MCTS1: variants seen among roughly 807,000 people sequenced by gnomAD.
MCTS1 encodes the protein malignant T-cell-amplified sequence 1.
For missense variants in MCTS1, 55 were observed against 128.6 expected (o/e 0.43, Z 2.77); for synonymous variants, 26 against 40.8 (o/e 0.64, Z 1.38).
intron 1 of MCTS1, among the ~76,000 whole-genome samples, 188 bp from the exon 2 acceptor site, chrX:120,605,219 A>C (rs765312295): frequency 8.0e-5 from 9 of 111,907 alleles, no homozygotes; most frequent in Non-Finnish European, 1.7e-4. Flanking sequence ...TATTGTATTA[A>C]GACATTGGTT....
At chrX:120,606,643 G>C (rs965182959) in intron 3 of MCTS1, among the ~76,000 whole-genome samples, 1 of 111,222 alleles carries the variant, frequency 9.0e-6, no homozygotes, top group Non-Finnish European at 1.9e-5. Flanking sequence ...AGTTAGCCGG[G>C]CGTGGTCACA....
In MCTS1 at chrX:120,616,609, TA is replaced by T. The variant is rs1320649757; in HGVS notation, c.*4352del. ...CCTTAGGGAATATAATTTATGCATG[TA>T]AAAAAATACAGGAGATGATTCACTG... On this transcript the variant is annotated 3_prime_UTR_variant, in exon 6 of 6. Transcript: ENST00000371317. 2.7e-5 allele frequency among the ~76,000 whole-genome samples: 3 copies of T among 111,743 alleles called. No homozygotes were observed. Among genetic ancestry groups the T allele is most frequent in the Non-Finnish European group, 5.6e-5 (3 of 53,117 alleles).
intron 5 of MCTS1, 135 bp downstream of exon 5, chrX:120,611,213 A>T (rs1312326405): frequency 1.9e-6 from 1 of 526,053 alleles, no homozygotes; most frequent in Non-Finnish European, 3.1e-6. Context: ...TTCATTTCTG[A>T]TATTTCCTAA....
In MCTS1 at chrX:120,620,608, T is replaced by C. The variant is rs1186227043; in HGVS notation, c.*8344T>C. ...GAGATTGTGCCACTGCACTCCAGCC[T>C]GGGCGACAGAGCAAGACTCCGTCTA... is the stretch of plus-strand genomic sequence containing the variant. On this transcript the variant is annotated 3_prime_UTR_variant, in exon 6 of 6. Coordinates refer to ENST00000371317, the MANE Select transcript of MCTS1 (RefSeq NM_014060.3). 2.8e-5 allele frequency: 3 copies of C among 108,154 alleles called. No homozygotes were observed. The highest frequency in any genetic ancestry group is 1.0e-4 in the African/African-American group (3 of 29,664). 8.9% of individuals were successfully genotyped at this position (108,154 alleles called of 1,213,427 possible).
chrX:120,608,522 T>A, intron 4 of MCTS1, 164 bp downstream of exon 4: 2 of 552,342 alleles, frequency 3.6e-6, no homozygotes, highest in Non-Finnish European at 5.2e-6. Flanking sequence ...ACAAAGTAAT[T>A]TTATTTGTTG....
rs1032844936 is a variant in MCTS1 at position 120,615,412 on chromosome X, C to T, written c.*3148C>T. The stretch of plus-strand genomic sequence containing the variant: ...TGAGTATCTACTAGGTTCTAAGTGA[C>T]GTGGCATGAAGATGAATAATACAGA... On this transcript the variant is annotated 3_prime_UTR_variant, in exon 6 of 6. Transcript: ENST00000371317. Among the ~76,000 whole-genome samples the T allele has an allele frequency of 1.7e-4, 19 of 111,312 alleles. No homozygotes were observed. The highest frequency in any genetic ancestry group is 6.8e-4 in the Admixed American group (7 of 10,367).
chrX:120,605,222 C>T (rs1181161477), intron 1 of MCTS1, among the ~76,000 whole-genome samples, 185 bp from the exon 2 acceptor site: 2 of 111,479 alleles, frequency 1.8e-5, no homozygotes, highest in Non-Finnish European at 1.9e-5. Flanking sequence ...TGTATTAAGA[C>T]ATTGGTTTTG....
chrX:120,607,643 G>T (rs779041642), intron 3 of MCTS1, among the ~76,000 whole-genome samples: 1 of 111,210 alleles, frequency 9.0e-6, no homozygotes, highest in African/African-American at 3.3e-5. Flanking sequence ...TATTATTAAC[G>T]CAAGTCCTTA....
chrX:120,616,600 T>A lies in MCTS1; in HGVS notation c.*4336T>A, dbSNP rs1926862061. The stretch of plus-strand genomic sequence containing the variant: ...AGAGTCTGGCCTTAGGGAATATAAT[T>A]TATGCATGTAAAAAAATACAGGAGA... On this transcript the variant is annotated 3_prime_UTR_variant, in exon 6 of 6. Transcript: ENST00000371317. Among the ~76,000 whole-genome samples, 1 of 111,702 alleles carries A rather than the reference T, an allele frequency of 9.0e-6. No homozygotes were observed.
Position 120,612,925 on chromosome X carries a change from ATTC to A in MCTS1, c.*664_*666del, listed in dbSNP as rs1293567794. 1.1e-5 allele frequency among the ~76,000 whole-genome samples: 1 copy of A among 94,611 alleles called. No homozygotes were observed. The highest frequency in any genetic ancestry group is 2.2e-5 in the Non-Finnish European group (1 of 46,088). 82.2% of individuals were successfully genotyped at this position (94,611 alleles called of 115,157 possible). A position where few individuals can be genotyped will look rare whatever the true frequency, so the allele number is the denominator to read the frequency against. ...CTATCATTTCATCCATAACTACTTT[ATTC>A]TTTTTTTTTTTTTTTTGAAACAGGG... On this transcript the variant is annotated 3_prime_UTR_variant, in exon 6 of 6. Transcript: ENST00000371317.
Position 120,618,858 on chromosome X carries a change from G to A in MCTS1, c.*6594G>A, listed in dbSNP as rs1926931970. Among the ~76,000 whole-genome samples, 1 of 112,435 alleles carries A rather than the reference G, an allele frequency of 8.9e-6. No homozygotes were observed. The highest frequency in any genetic ancestry group is 3.2e-5 in the African/African-American group (1 of 30,952). On this transcript the variant is annotated 3_prime_UTR_variant, in exon 6 of 6. Transcript: ENST00000371317. ...TGCTCCTGAATGCAAAGGTCTGAGA[G>A]AAGGCACATCCTCATTAGCTTCTGG...
In MCTS1 at chrX:120,612,797, C is replaced by G. The variant is rs1417848919; in HGVS notation, c.*533C>G. ...CTGGAGAATAGTATAATGGACCTCT[C>G]CATATCCATCACCCAGTTTCAGTTT... is the stretch of plus-strand genomic sequence containing the variant. On this transcript the variant is annotated 3_prime_UTR_variant, in exon 6 of 6. Coordinates refer to ENST00000371317, the MANE Select transcript of MCTS1 (RefSeq NM_014060.3). Among the ~76,000 whole-genome samples the G allele has an allele frequency of 9.2e-6, 1 of 109,181 alleles. No individual in the cohort carries two copies. Among genetic ancestry groups the G allele is most frequent in the African/African-American group, 3.3e-5 (1 of 29,861 alleles). 94.8% of individuals were successfully genotyped at this position (109,181 alleles called of 115,157 possible).
chrX:120,620,181 G>A lies in MCTS1; in HGVS notation c.*7917G>A, dbSNP rs1467994938. Among the ~76,000 whole-genome samples the A allele has an allele frequency of 5.4e-5, 6 of 110,241 alleles. No individual in the cohort carries two copies. The highest frequency in any genetic ancestry group is 1.7e-4 in the African/African-American group (5 of 30,196). ...AAATTAACCGGACGCAGTGGTGGGCGCCTGTAGTCCCAGCTACTCGGGAGG... is the reference window on the plus strand; with the variant it reads ...AAATTAACCGGACGCAGTGGTGGGCACCTGTAGTCCCAGCTACTCGGGAGG... On this transcript the variant is annotated 3_prime_UTR_variant, in exon 6 of 6. Transcript: ENST00000371317.
chrX:120,620,784 G>C lies in MCTS1; in HGVS notation c.*8520G>C, dbSNP rs946678121. 1.8e-5 allele frequency: 2 copies of C among 112,402 alleles called. No homozygotes were observed. The highest frequency in any genetic ancestry group is 6.5e-5 in the African/African-American group (2 of 30,987). The allele number at this position is 112,402 out of a possible 1,213,427, so 9.3% of individuals were successfully genotyped here. ...AGAAAAATCCAGTGATTAAAGTCAT[G>C]CAAGGAGATGGCCTGGGGCTTGCTA... On this transcript the variant is annotated 3_prime_UTR_variant, in exon 6 of 6. Transcript: ENST00000371317.
In MCTS1 at chrX:120,610,818, T is replaced by C. The variant is rs191210304; in HGVS notation, c.397-193T>C. 4.9e-4 allele frequency: 179 copies of C among 363,546 alleles called. 2 individuals carry two copies. The highest frequency in any genetic ancestry group is 4.1e-3 in the African/African-American group (165 of 39,852). The allele number at this position is 363,546 out of a possible 1,213,427, so 30.0% of individuals were successfully genotyped here. On this transcript the variant is annotated intron_variant, in intron 4 of 5. Coordinates refer to ENST00000371317, the MANE Select transcript of MCTS1 (RefSeq NM_014060.3). ...GGTTATTAGATTTATTCATTTAGCA[T>C]TTACTGAGTATTTACAGTGTACCCA...
At chrX:120,604,456 C>G in intron 1 of MCTS1, 2 of 540,804 alleles carry the variant, frequency 3.7e-6, no homozygotes, top group Non-Finnish European at 5.7e-6. Flanking sequence ...TTCAGTCCCT[C>G]CACTCCCATT....
chrX:120,604,378 T>C, intron 1 of MCTS1, 131 bp downstream of exon 1: 1 of 876,973 alleles, frequency 1.1e-6, no homozygotes, highest in Non-Finnish European at 1.6e-6. Flanking sequence ...AGGTTTTCTA[T>C]AGTACTATGC....
intron 1 of MCTS1, chrX:120,604,480 A>G: frequency 1.9e-6 from 1 of 516,572 alleles, no homozygotes; most frequent in Non-Finnish European, 3.0e-6. Context: ...TTTTCTCCTT[A>G]CCCCTCTTTC....
rs763776875 is a variant in MCTS1, at chrX:120,613,260, C to G, written c.*996C>G. Among the ~76,000 whole-genome samples, 2 of 111,110 alleles carry G rather than the reference C, an allele frequency of 1.8e-5. No homozygotes were observed. The highest frequency in any genetic ancestry group is 7.6e-4 in the South Asian group (2 of 2,642). On this transcript the variant is annotated 3_prime_UTR_variant, in exon 6 of 6. Coordinates refer to ENST00000371317, the MANE Select transcript of MCTS1 (RefSeq NM_014060.3). The stretch of plus-strand genomic sequence containing the variant: ...ATATTTTATAGTTGGCCAGGCTGGT[C>G]TTGAACTCCTGGCCTCAAGTGATCA...
Sources: allele counts gnomAD v4.1 joint callset (sites outside exome capture counted in the v4.1 genomes callset), GRCh38; gene constraint gnomAD v4.1.1; transcripts MANE v1.5; gene names NCBI Gene and HGNC (gene_info 2026-07-23, HGNC 2026-07-21).